SLC25A12: variants seen among roughly 807,000 people sequenced by gnomAD.
SLC25A12 encodes solute carrier family 25 member 12.
Under a neutral mutation model 83.3 loss-of-function variants are expected in SLC25A12, and 32 were observed. That is an observed-to-expected ratio of 0.38 (90% confidence interval 0.29 to 0.52). SLC25A12 has a LOEUF of 0.52. Among genes scored for constraint, SLC25A12 ranks in the 20% least tolerant of loss-of-function variants. The pLI, the probability that SLC25A12 is intolerant of heterozygous loss-of-function variation, is 0.84. For synonymous variants in SLC25A12, 267 were observed against 291.1 expected, an observed-to-expected ratio of 0.92 and a Z score of 0.84; for missense variants, 611 against 835.6, an observed-to-expected ratio of 0.73 and a Z score of 3.31.
chr2:171,833,108 A>C (rs1204595338), intron 8 of SLC25A12, among the ~76,000 whole-genome samples: 1 of 152,072 alleles, frequency 6.6e-6, no homozygotes, highest in African/African-American at 2.4e-5. Context: ...CCTAGAGACG[A>C]TTAAGCTTCA....
rs540467482 is a variant in SLC25A12 at position 171,821,628 on chromosome 2, C to T, written c.930+5170G>A. Among the ~76,000 whole-genome samples, 38 of 152,164 alleles carry T rather than the reference C, an allele frequency of 2.5e-4. No individual in the cohort carries two copies. The South Asian group carries it at 7.7e-3, about 31-fold the overall frequency. On this transcript the variant is annotated intron_variant, in intron 9 of 17. Coordinates refer to ENST00000422440, the MANE Select transcript of SLC25A12 (RefSeq NM_003705.5). The stretch of plus-strand genomic sequence containing the variant: ...TATTTTTCCTTACCATTTGGATATC[C>T]TCTTTTGTGAGGTTTCTGTTCAGGT...
chr2:171,830,039 C>T (rs945897560), intron 8 of SLC25A12, among the ~76,000 whole-genome samples: 24 of 152,176 alleles, frequency 1.6e-4, no homozygotes, highest in Admixed American at 3.3e-4. Context: ...AAAATCTAGC[C>T]GTGTTTTATG....
intron 13 of SLC25A12, among the ~76,000 whole-genome samples, chr2:171,807,453 C>A (rs2105856082): frequency 6.6e-6 from 1 of 152,282 alleles, no homozygotes; most frequent in Non-Finnish European, 1.5e-5. Flanking sequence ...CCACTTAGGT[C>A]ACATGTCAGA....
intron 2 of SLC25A12, among the ~76,000 whole-genome samples, chr2:171,883,758 A>C (rs748618861): frequency 6.6e-6 from 1 of 151,194 alleles, no homozygotes; most frequent in African/African-American, 2.4e-5. Flanking sequence ...TTCACTGACC[A>C]CTCTCTTGAA....
chr2:171,795,285 C>A (rs1011327703), intron 13 of SLC25A12, among the ~76,000 whole-genome samples: 2 of 152,214 alleles, frequency 1.3e-5, no homozygotes, highest in Admixed American at 1.3e-4. Context: ...CAACGATGTA[C>A]TGACCCAATT....
intron 8 of SLC25A12, among the ~76,000 whole-genome samples, chr2:171,832,506 T>A (rs147837417): frequency 9.9e-4 from 151 of 152,368 alleles, no homozygotes; most frequent in Middle Eastern, 3.4e-3. Context: ...ATCAGCCAAC[T>A]GGATTGGAAG....
chr2:171,869,374 G>C (rs1459723727), intron 2 of SLC25A12, among the ~76,000 whole-genome samples: 2 of 152,110 alleles, frequency 1.3e-5, no homozygotes, highest in African/African-American at 4.8e-5. Flanking sequence ...ATATTGGTAA[G>C]ATAAAAGATA....
At position 171,837,174 on chromosome 2, in the gene SLC25A12, C is replaced by T. The variant is rs1429533707; in HGVS notation, c.559G>A (p.Val187Ile). 11 of 1,614,032 alleles carry T rather than the reference C, an allele frequency of 6.8e-6. No individual in the cohort carries two copies. Among genetic ancestry groups the T allele is most frequent in the Non-Finnish European group, 9.3e-6 (11 of 1,179,952 alleles). ...GTAAGCATGTGAGATCTAATGGTAA[C>T]CATGATGTCACTGAAATCCAGACCA... is the stretch of plus-strand genomic sequence containing the variant. ...ISGLDFSDIMVTIRSHMLTPF... is the reference protein window; with the variant it reads ...ISGLDFSDIMITIRSHMLTPF... The change falls in exon 6 of 18, where the codon GTT (valine) becomes ATT (isoleucine). Residue 187 changes from valine to isoleucine, a missense_variant. Val to Ile is a conservative substitution (Grantham distance 29). Transcript: ENST00000422440.
chr2:171,856,157 G>T lies in SLC25A12; in HGVS notation c.210-208C>A, dbSNP rs570304840. Among the ~76,000 whole-genome samples, 59 of 152,218 alleles carry T rather than the reference G, an allele frequency of 3.9e-4. 2 individuals are homozygous for T. The South Asian group carries it at 0.012, about 31-fold the overall frequency. Reference sequence around the variant, plus strand: ...GCCCCTAGAAAATCAATGAAACTGGGCAATAATCAATAGCTCCTAACATCA... The same window carrying T: ...GCCCCTAGAAAATCAATGAAACTGGTCAATAATCAATAGCTCCTAACATCA... On this transcript the variant is annotated intron_variant, in intron 3 of 17. Transcript: ENST00000422440.
intron 8 of SLC25A12, among the ~76,000 whole-genome samples, chr2:171,829,048 A>T (rs908602082): frequency 6.6e-6 from 1 of 152,084 alleles, no homozygotes; most frequent in African/African-American, 2.4e-5. Context: ...TTTCTTCCAG[A>T]CCTCTATGGG....
At chr2:171,886,938 T>G (rs1685835434) in intron 2 of SLC25A12, among the ~76,000 whole-genome samples, 1 of 152,236 alleles carries the variant, frequency 6.6e-6, no homozygotes, top group Admixed American at 6.5e-5. Context: ...TTTCAGAGTC[T>G]TTGTTTCCAC....
chr2:171,818,833 T>A (rs1684112140), intron 9 of SLC25A12, among the ~76,000 whole-genome samples: 2 of 151,438 alleles, frequency 1.3e-5, no homozygotes, highest in Admixed American at 6.6e-5. Context: ...ACACTATTAA[T>A]GGGTAGAATA....
At chr2:171,789,328 A>G (rs1574671941) in intron 15 of SLC25A12, among the ~76,000 whole-genome samples, 2 of 152,214 alleles carry the variant, frequency 1.3e-5, no homozygotes. Context: ...TCCCAGGTTC[A>G]TGCCATTCTC....
intron 2 of SLC25A12, among the ~76,000 whole-genome samples, chr2:171,881,717 CAG>C (rs893540602): frequency 1.3e-5 from 2 of 152,132 alleles, no homozygotes; most frequent in Non-Finnish European, 1.5e-5. Flanking sequence ...CCTTTAAAAA[CAG>C]GGATACCTTA....
chr2:171,874,689 C>A (rs1354363919), intron 2 of SLC25A12, among the ~76,000 whole-genome samples: 1 of 152,140 alleles, frequency 6.6e-6, no homozygotes, highest in Non-Finnish European at 1.5e-5. Context: ...TCATAGAATA[C>A]TATGCAGCCA....
chr2:171,874,079 A>T (rs1209980720), intron 2 of SLC25A12, among the ~76,000 whole-genome samples: 1 of 152,158 alleles, frequency 6.6e-6, no homozygotes, highest in Non-Finnish European at 1.5e-5. Flanking sequence ...ATACAAAATT[A>T]GACGGGTGTG....
rs181552782 is a variant in SLC25A12 at position 171,838,622 on chromosome 2, A to T, written c.466-1355T>A. 3.5e-4 allele frequency among the ~76,000 whole-genome samples: 53 copies of T among 152,350 alleles called. 1 individual carries two copies. The East Asian group carries it at 8.7e-3, about 25-fold the overall frequency. Reference sequence around the variant, plus strand: ...TTAATAACACTCAGTACTAAAGAAGATGTGGACCTTTACCTTCAAGATGAA... The same window carrying T: ...TTAATAACACTCAGTACTAAAGAAGTTGTGGACCTTTACCTTCAAGATGAA... On this transcript the variant is annotated intron_variant, in intron 5 of 17. Coordinates refer to ENST00000422440, the MANE Select transcript of SLC25A12 (RefSeq NM_003705.5).
chr2:171,818,032 T>C (rs1221758861), intron 9 of SLC25A12, among the ~76,000 whole-genome samples: 1 of 152,184 alleles, frequency 6.6e-6, no homozygotes, highest in Non-Finnish European at 1.5e-5. Context: ...AAAGAAAACA[T>C]ACAATATATG....
At chr2:171,785,520 T>C in intron 17 of SLC25A12, 45 bp from the exon 18 acceptor site, 1 of 1,563,758 alleles carries the variant, frequency 6.4e-7, no homozygotes, top group Non-Finnish European at 8.8e-7. Context: ...TCAAGGTGGA[T>C]GAGCGCAGCT....
Sources: gnomAD v4.1 joint callset for allele counts (sites outside exome capture counted in the v4.1 genomes callset) on GRCh38, gnomAD v4.1.1 for gene constraint, MANE v1.5 for transcripts, NCBI Gene and HGNC (gene_info 2026-07-23, HGNC 2026-07-21) for gene names.